PTPRD: variants seen among roughly 807,000 people sequenced by gnomAD.
PTPRD encodes the protein protein tyrosine phosphatase receptor type D, also known as receptor-type tyrosine-protein phosphatase delta.
PTPRD carries 34 observed loss-of-function variants against 214.5 expected under a neutral mutation model. The ratio of observed to expected loss-of-function variants is 0.16; its 90% CI spans 0.12 to 0.21. The LOEUF (loss-of-function observed/expected upper bound fraction) is 0.21. Among genes scored for constraint, PTPRD ranks in the 10% least tolerant of loss-of-function variants. The probability of loss-of-function intolerance (pLI) is 1.00; values close to 1 mark genes in which losing one functional copy is unlikely to be tolerated. For missense variants in PTPRD, 2,545 were observed against 2,398.7 expected (o/e 1.06, Z -1.27); for synonymous variants, 1,128 against 845.7 (o/e 1.33, Z -5.79).
chr9:8,649,209 T>C (rs551004406), intron 12 of PTPRD, among the ~76,000 whole-genome samples: 1 of 152,350 alleles, frequency 6.6e-6, no homozygotes, highest in South Asian at 2.1e-4. Context: ...TGATGAACTG[T>C]ACTAGCTTCA....
intron 3 of PTPRD, among the ~76,000 whole-genome samples, chr9:10,317,253 A>G (rs2096459211): frequency 6.6e-6 from 1 of 151,974 alleles, no homozygotes; most frequent in Non-Finnish European, 1.5e-5. Flanking sequence ...TATCTAATTT[A>G]ATTAGTTAAT....
intron 7 of PTPRD, among the ~76,000 whole-genome samples, chr9:9,630,169 A>G (rs1336545423): frequency 6.6e-6 from 1 of 152,250 alleles, no homozygotes; most frequent in African/African-American, 2.4e-5. Context: ...GGTCTTTTAC[A>G]GGACTTACAA....
chr9:8,333,326 C>T (rs1176052307), intron 43 of PTPRD, among the ~76,000 whole-genome samples: 2 of 152,096 alleles, frequency 1.3e-5, no homozygotes, highest in Non-Finnish European at 2.9e-5. Flanking sequence ...CAGTTGCTTT[C>T]AATAGCAAGA....
intron 10 of PTPRD, among the ~76,000 whole-genome samples, chr9:9,022,128 C>G (rs534181424): frequency 6.7e-6 from 1 of 149,400 alleles, no homozygotes; most frequent in Non-Finnish European, 1.5e-5. Context: ...TATCCCAGAA[C>G]GTAAAGTAAA....
chr9:10,147,672 G>C (rs758258483), intron 3 of PTPRD, among the ~76,000 whole-genome samples: 4 of 152,080 alleles, frequency 2.6e-5, no homozygotes, highest in Non-Finnish European at 4.4e-5. Flanking sequence ...CTGAGGTCAG[G>C]AGTTCAAGAC....
At chr9:8,978,910 A>G (rs779171392) in intron 11 of PTPRD, among the ~76,000 whole-genome samples, 36 of 152,150 alleles carry the variant, frequency 2.4e-4, no homozygotes, top group Admixed American at 3.9e-4. Flanking sequence ...GGCAATGCAC[A>G]TGTAGTTATT....
At chr9:10,056,298 G>C (rs1003320303) in intron 3 of PTPRD, among the ~76,000 whole-genome samples, 1 of 149,728 alleles carries the variant, frequency 6.7e-6, no homozygotes, top group African/African-American at 2.5e-5. Context: ...TCCAACCTGG[G>C]TGACAGAGAG....
chr9:10,066,914 C>A (rs1247546987), intron 3 of PTPRD, among the ~76,000 whole-genome samples: 3 of 151,636 alleles, frequency 2.0e-5, no homozygotes, highest in Non-Finnish European at 4.4e-5. Flanking sequence ...ACAGAAATCT[C>A]ACTCCTTGTC....
At chr9:10,216,249 G>C (rs1347744376) in intron 3 of PTPRD, among the ~76,000 whole-genome samples, 2 of 151,746 alleles carry the variant, frequency 1.3e-5, no homozygotes, top group African/African-American at 4.9e-5. Context: ...CTGAGAGTGA[G>C]CCTCCCTGGC....
At chr9:9,010,652 C>A (rs1242944521) in intron 11 of PTPRD, among the ~76,000 whole-genome samples, 1 of 146,880 alleles carries the variant, frequency 6.8e-6, no homozygotes, top group South Asian at 2.2e-4. Context: ...GTTCTGATAA[C>A]CTTATCAAGC....
intron 8 of PTPRD, among the ~76,000 whole-genome samples, chr9:9,434,239 G>T (rs953596482): frequency 2.0e-5 from 3 of 152,066 alleles, no homozygotes; most frequent in Non-Finnish European, 4.4e-5. Context: ...TTCTTCACTA[G>T]AGAATAAAAA....
chr9:10,522,720 T>TTC (rs1276253749), intron 2 of PTPRD, among the ~76,000 whole-genome samples: 1 of 151,990 alleles, frequency 6.6e-6, no homozygotes, highest in African/African-American at 2.4e-5. Flanking sequence ...CAAGAATAAT[T>TTC]TCAGTTTTCA....
At position 9,584,296 on chromosome 9, in the gene PTPRD, C is replaced by T. The variant is rs571748219; in HGVS notation, c.-286-9515G>A. On this transcript the variant is annotated intron_variant, in intron 7 of 45. Coordinates refer to ENST00000381196, the MANE Select transcript of PTPRD (RefSeq NM_002839.4). ...TCTCATTTAGATGATGCTTCATAAA[C>T]CCTACCAACCTTTTAATTTTTGGAA... is the stretch of plus-strand genomic sequence containing the variant. Among the ~76,000 whole-genome samples, 26 of 151,622 alleles carry T rather than the reference C, an allele frequency of 1.7e-4. 1 individual carries two copies. Among genetic ancestry groups the T allele is most frequent in the African/African-American group, 5.5e-4 (23 of 41,448 alleles).
intron 3 of PTPRD, among the ~76,000 whole-genome samples, chr9:10,119,941 C>T (rs996082389): frequency 5.3e-5 from 8 of 151,924 alleles, no homozygotes; most frequent in Non-Finnish European, 1.2e-4. Context: ...ACTTCAAAGT[C>T]TTTCACGATG....
intron 11 of PTPRD, among the ~76,000 whole-genome samples, chr9:8,853,265 T>A (rs2097853066): frequency 6.6e-6 from 1 of 152,190 alleles, no homozygotes; most frequent in South Asian, 2.1e-4. Flanking sequence ...TCTTTGACCT[T>A]CCTAAGACTT....
At chr9:9,111,489 G>A (rs1041963820) in intron 10 of PTPRD, among the ~76,000 whole-genome samples, 2 of 151,792 alleles carry the variant, frequency 1.3e-5, no homozygotes, top group African/African-American at 4.8e-5. Flanking sequence ...CACCACTTTC[G>A]AGCACCCCAA....
At chr9:9,370,654 T>C (rs2059211836) in intron 9 of PTPRD, among the ~76,000 whole-genome samples, 1 of 151,502 alleles carries the variant, frequency 6.6e-6, no homozygotes, top group Non-Finnish European at 1.5e-5. Flanking sequence ...CTATGTTGAA[T>C]AGGAGTGGTG....
intron 9 of PTPRD, among the ~76,000 whole-genome samples, chr9:9,213,616 A>C (rs187065612): frequency 4.6e-5 from 7 of 152,186 alleles, no homozygotes; most frequent in Admixed American, 3.3e-4. Context: ...TAAAGGTATA[A>C]ATTTTAGTCA....
intron 39 of PTPRD, among the ~76,000 whole-genome samples, chr9:8,359,100 T>C (rs1588604281): frequency 2.6e-5 from 2 of 77,590 alleles, no homozygotes; most frequent in Non-Finnish European, 2.1e-5. Flanking sequence ...AGAGCGAGAC[T>C]CCGTCTCAAA....
Sources: allele counts gnomAD v4.1 joint callset (sites outside exome capture counted in the v4.1 genomes callset), GRCh38; gene constraint gnomAD v4.1.1; transcripts MANE v1.5; gene names NCBI Gene and HGNC (gene_info 2026-07-23, HGNC 2026-07-21).